The following YWHAE variants were observed in gnomAD, a reference collection of about 807,000 sequenced individuals.
YWHAE encodes 14-3-3 protein epsilon.
In YWHAE, 4 loss-of-function variants were observed where a neutral mutation model predicts 30.1. The observed-to-expected ratio is 0.13, with a 90% CI of 0.07 to 0.30. YWHAE has a LOEUF of 0.30. YWHAE is among the 10% of genes least tolerant of loss of function. YWHAE has a pLI of 1.00. For synonymous variants in YWHAE, 118 were observed against 111.8 expected, an observed-to-expected ratio of 1.06 and a Z score of -0.35; for missense variants, 121 against 315.9, an observed-to-expected ratio of 0.38 and a Z score of 4.68.
chr17:1,388,867 T>C (rs34544955), intron 1 of YWHAE, among the ~76,000 whole-genome samples: 7,985 of 152,262 alleles, frequency 0.052, 282 homozygotes, highest in African/African-American at 0.1. Flanking sequence ...TCTGGTCAAA[T>C]AACGTTCTTG....
In YWHAE at chr17:1,382,038, AAGT is replaced by A. The variant is rs150481538; in HGVS notation, c.65-16983_65-16981del. Among the ~76,000 whole-genome samples, 541 of 151,722 alleles carry A rather than the reference AAGT, an allele frequency of 3.6e-3. 1 individual carries two copies. The highest frequency in any genetic ancestry group is 0.01 in the Middle Eastern group (3 of 292). ...ACCACTGACAAGTTACTTGCGGCAT[AAGT>A]AGTAGTTTTTTTGTTTGTTTGTTTT... On this transcript the variant is annotated intron_variant, in intron 1 of 5. Transcript: ENST00000264335.
rs55734488 is a variant in YWHAE at position 1,361,317 on chromosome 17, T to TA, written c.372-20dup. On this transcript the variant is annotated intron_variant, in intron 3 of 5. Coordinates refer to ENST00000264335, the MANE Select transcript of YWHAE (RefSeq NM_006761.5). The stretch of plus-strand genomic sequence containing the variant: ...CCCTTTCCTAAAACAAAACCAAAAT[T>TA]AAAAAAAAAAAAAAAATTTAAACTA... 0.13 allele frequency: 172,285 copies of TA among 1,342,162 alleles called. 1,322 individuals carry two copies. The highest frequency in any genetic ancestry group is 0.14 in the Non-Finnish European group (142,509 of 994,072). 83.1% of individuals were successfully genotyped at this position (1,342,162 alleles called of 1,614,324 possible).
chr17:1,386,536 G>GT (rs956075146), intron 1 of YWHAE, among the ~76,000 whole-genome samples: 9 of 152,188 alleles, frequency 5.9e-5, no homozygotes, highest in East Asian at 3.8e-4. Flanking sequence ...TTGGGAACTT[G>GT]TTTTTTAGTA....
At position 1,347,758 on chromosome 17, in the gene YWHAE, G is replaced by A. The variant is rs556488319; in HGVS notation, c.716-2259C>T. ...CCATGAGATGTGCCAGAAGTTCCAA[G>A]TAACTTTGGCATAAAAATGTCACTG... On this transcript the variant is annotated intron_variant, in intron 5 of 5. Transcript: ENST00000264335. Among the ~76,000 whole-genome samples the A allele has an allele frequency of 1.7e-4, 26 of 152,248 alleles. No homozygotes were observed. The South Asian group carries it at 5.2e-3, about 30-fold the overall frequency.
chr17:1,388,245 T>C lies in YWHAE; in HGVS notation c.64+11802A>G, dbSNP rs370783439. ...CAAAGTGCTAGGATTGGCCAGGCGC[T>C]GTGGCTCACGCCTGTAATCCCAGCA... On this transcript the variant is annotated intron_variant, in intron 1 of 5. Transcript: ENST00000264335. Among the ~76,000 whole-genome samples the C allele has an allele frequency of 1.3e-4, 19 of 147,378 alleles. No individual in the cohort carries two copies. In the East Asian group the frequency reaches 3.8e-3, roughly 29 times the overall value.
intron 4 of YWHAE, 25 bp from the exon 5 acceptor site, chr17:1,354,372 T>C (rs1191521910): frequency 1.9e-5 from 30 of 1,601,904 alleles, no homozygotes; most frequent in Non-Finnish European, 2.5e-5. Context: ...ATAGAAGTGT[T>C]ATAAAAATTA....
chr17:1,394,474 G>A (rs1023739047), intron 1 of YWHAE, among the ~76,000 whole-genome samples: 2 of 137,428 alleles, frequency 1.5e-5, no homozygotes, highest in East Asian at 1.9e-4. Context: ...CAAAAATTAG[G>A]CCGGTGCAAC....
At chr17:1,363,901 T>C (rs948073930) in intron 2 of YWHAE, among the ~76,000 whole-genome samples, 6 of 152,252 alleles carry the variant, frequency 3.9e-5, no homozygotes, top group East Asian at 1.9e-4. Context: ...CGACAGTTTG[T>C]TGTGGGGCCC....
intron 4 of YWHAE, among the ~76,000 whole-genome samples, chr17:1,358,606 G>C (rs1003471784): frequency 3.3e-5 from 5 of 151,928 alleles, no homozygotes; most frequent in Non-Finnish European, 1.5e-5. Context: ...TTGGGAGGGA[G>C]GCTGAGGTCA....
In YWHAE at chr17:1,388,117, G is replaced by GTTTTTTTTTTTTTTTTTTTTTTTTTT. The variant is rs1491196737; in HGVS notation, c.64+11929_64+11930insAAAAAAAAAAAAAAAAAAAAAAAAAA. Among the ~76,000 whole-genome samples the GTTTTTTTTTTTTTTTTTTTTTTTTTT allele has an allele frequency of 4.6e-5, 3 of 65,108 alleles. 1 individual carries two copies. Among genetic ancestry groups the GTTTTTTTTTTTTTTTTTTTTTTTTTT allele is most frequent in the Non-Finnish European group, 2.3e-5 (1 of 43,104 alleles). The allele number at this position is 65,108 out of a possible 152,430, so 42.7% of individuals were successfully genotyped here. A position where few individuals can be genotyped will look rare whatever the true frequency, so the allele number is the denominator to read the frequency against. On this transcript the variant is annotated intron_variant, in intron 1 of 5. Coordinates refer to ENST00000264335, the MANE Select transcript of YWHAE (RefSeq NM_006761.5). ...GTAATTTTTGTTTTTTTTTTTGGTT[G>GTTTTTTTTTTTTTTTTTTTTTTTTTT]GTTTTTTTTTTTTTTTTTTTTTTTT...
intron 1 of YWHAE, among the ~76,000 whole-genome samples, chr17:1,393,526 G>A (rs373630248): frequency 3.3e-5 from 5 of 152,042 alleles, no homozygotes; most frequent in South Asian, 4.1e-4. Context: ...CACCTCCCAG[G>A]GTCAAGCGAT....
At chr17:1,372,460 C>T (rs901191571) in intron 1 of YWHAE, among the ~76,000 whole-genome samples, 10 of 152,244 alleles carry the variant, frequency 6.6e-5, no homozygotes, top group Admixed American at 6.5e-4. Flanking sequence ...GTGCAAGAGG[C>T]CCAGCTTTCA....
At chr17:1,351,986 G>A (rs1199151498) in intron 5 of YWHAE, 1 of 148,600 alleles carries the variant, frequency 6.7e-6, no homozygotes, top group Non-Finnish European at 1.5e-5. Flanking sequence ...GTCTTACTAT[G>A]TTGCCCAGGC....
At chr17:1,374,617 T>A (rs2073096754) in intron 1 of YWHAE, among the ~76,000 whole-genome samples, 1 of 152,170 alleles carries the variant, frequency 6.6e-6, no homozygotes. Flanking sequence ...TTTAAACTAG[T>A]CATCCTAGTG....
chr17:1,363,479 T>G (rs1217122478), intron 2 of YWHAE, among the ~76,000 whole-genome samples: 1 of 152,102 alleles, frequency 6.6e-6, no homozygotes, highest in Non-Finnish European at 1.5e-5. Flanking sequence ...TCGGTCAGGC[T>G]GCTCTCGAAC....
At position 1,354,302 on chromosome 17, in the gene YWHAE, C is replaced by A; in HGVS notation, c.624G>T (p.Thr208=). 6.2e-7 allele frequency: 1 copy of A among 1,614,042 alleles called. No individual in the cohort carries two copies. The highest frequency in any genetic ancestry group is 1.1e-5 in the South Asian group (1 of 91,044). The change falls in exon 5 of 6, where the codon ACG becomes ACT. Residue 208 remains threonine, a synonymous_variant. Coordinates refer to ENST00000264335, the MANE Select transcript of YWHAE (RefSeq NM_006761.5). Reference sequence around the variant, plus strand: ...AGTCCTTATAGCTTTCTTCACTCAGCGTATCCAGTTCTGCAATTGCATCAT... The same window carrying A: ...AGTCCTTATAGCTTTCTTCACTCAGAGTATCCAGTTCTGCAATTGCATCAT... ...AFDDAIAELD[T]LSEESYKDST... is the part of the protein sequence containing the mutation.
At chr17:1,366,994 C>T (rs999927469) in intron 1 of YWHAE, among the ~76,000 whole-genome samples, 5 of 151,852 alleles carry the variant, frequency 3.3e-5, no homozygotes, top group African/African-American at 9.7e-5. Flanking sequence ...GGGGAGTGTG[C>T]CTAATGTATC....
At chr17:1,347,492 T>C (rs1374063066) in intron 5 of YWHAE, among the ~76,000 whole-genome samples, 1 of 152,064 alleles carries the variant, frequency 6.6e-6, no homozygotes, top group Non-Finnish European at 1.5e-5. Flanking sequence ...CAAAAAAATG[T>C]ATAAAATTTT....
rs1463150441 is a variant in YWHAE at position 1,388,101 on chromosome 17, GTTTTTTTTTTTGGTTGGTTTTTTT to G, written c.64+11922_64+11945del. On this transcript the variant is annotated intron_variant, in intron 1 of 5. Transcript: ENST00000264335. ...CCACCACCACGCCTGGGTAATTTTT[GTTTTTTTTTTTGGTTGGTTTTTTT>G]TTTTTTTTTTTTTTTTTAGTAGAGA... is the stretch of plus-strand genomic sequence containing the variant. Among the ~76,000 whole-genome samples the G allele has an allele frequency of 6.6e-3, 410 of 62,386 alleles. 7 individuals are homozygous for G. Among genetic ancestry groups the G allele is most frequent in the Non-Finnish European group, 9.6e-3 (350 of 36,348 alleles). 40.9% of individuals were successfully genotyped at this position (62,386 alleles called of 152,430 possible).
Sources: gnomAD v4.1 joint callset for allele counts (sites outside exome capture counted in the v4.1 genomes callset) on GRCh38, gnomAD v4.1.1 for gene constraint, MANE v1.5 for transcripts, NCBI Gene and HGNC (gene_info 2026-07-23, HGNC 2026-07-21) for gene names.